Variants in PKIA observed in about 807,000 individuals in gnomAD.
PKIA encodes the protein PKI-alpha.
PKIA carries 4 observed loss-of-function variants against 7.6 expected under a neutral mutation model. That is an observed-to-expected ratio of 0.52 (90% confidence interval 0.26 to 1.20). PKIA has a LOEUF of 1.20. Among genes scored for constraint, PKIA ranks in the 50% most tolerant of loss-of-function variants. The pLI is 0.13. For missense variants in PKIA, 73 were observed against 86.2 expected (o/e 0.85, Z 0.61); for synonymous variants, 21 against 30.7 (o/e 0.68, Z 1.04).
chr8:78,573,749 C>A (rs2118565215), intron 2 of PKIA, among the ~76,000 whole-genome samples: 1 of 152,044 alleles, frequency 6.6e-6, no homozygotes, highest in South Asian at 2.1e-4. Context: ...AAAGTTTGTC[C>A]TTGGATTGCT....
intron 2 of PKIA, among the ~76,000 whole-genome samples, chr8:78,587,635 G>C (rs765424342): frequency 3.9e-5 from 6 of 152,054 alleles, no homozygotes; most frequent in Non-Finnish European, 8.8e-5. Flanking sequence ...GCTTTAATTT[G>C]CTACTTTCGT....
intron 2 of PKIA, among the ~76,000 whole-genome samples, chr8:78,576,228 C>A (rs1807671722): frequency 6.6e-6 from 1 of 151,998 alleles, no homozygotes; most frequent in Admixed American, 6.6e-5. Flanking sequence ...TCCCTAATTA[C>A]CAATAGGTTG....
At chr8:78,572,005 T>C (rs531456633) in intron 1 of PKIA, among the ~76,000 whole-genome samples, 1 of 152,006 alleles carries the variant, frequency 6.6e-6, no homozygotes, top group Non-Finnish European at 1.5e-5. Context: ...AAATGATGAA[T>C]GATAGTATAG....
At chr8:78,583,872 T>C (rs528262029) in intron 2 of PKIA, among the ~76,000 whole-genome samples, 11 of 152,186 alleles carry the variant, frequency 7.2e-5, no homozygotes, top group African/African-American at 2.4e-4. Context: ...AAATCTGATT[T>C]TTCAAAAAAG....
chr8:78,518,374 C>G (rs1241826023), intron 1 of PKIA, among the ~76,000 whole-genome samples: 1 of 152,122 alleles, frequency 6.6e-6, no homozygotes, highest in African/African-American at 2.4e-5. Flanking sequence ...TATGAGGTAA[C>G]AAAGAACAAG....
At chr8:78,546,057 C>T (rs951200661) in intron 1 of PKIA, among the ~76,000 whole-genome samples, 1 of 152,128 alleles carries the variant, frequency 6.6e-6, no homozygotes, top group African/African-American at 2.4e-5. Flanking sequence ...GCTCACTAGC[C>T]ACAGAGAGGC....
intron 2 of PKIA, among the ~76,000 whole-genome samples, chr8:78,586,149 T>G (rs1192514147): frequency 6.6e-6 from 1 of 152,162 alleles, no homozygotes; most frequent in East Asian, 1.9e-4. Flanking sequence ...AAGTCACTTC[T>G]ATTTCATTAT....
chr8:78,558,043 G>A (rs1446856876), intron 1 of PKIA, among the ~76,000 whole-genome samples: 2 of 152,208 alleles, frequency 1.3e-5, no homozygotes, highest in East Asian at 3.8e-4. Context: ...GCTGTTTACA[G>A]TTGTTTTAGT....
chr8:78,554,627 A>G (rs961715795), intron 1 of PKIA, among the ~76,000 whole-genome samples: 1 of 148,750 alleles, frequency 6.7e-6, no homozygotes, highest in African/African-American at 2.5e-5. Context: ...TGAGGATTGC[A>G]GATGATACTA....
intron 2 of PKIA, among the ~76,000 whole-genome samples, chr8:78,579,613 A>C (rs1195177486): frequency 5.9e-5 from 9 of 152,062 alleles, no homozygotes; most frequent in Admixed American, 5.2e-4. Flanking sequence ...CGAAAGATAG[A>C]TACATTTTAC....
At chr8:78,559,676 C>G (rs1029173516) in intron 1 of PKIA, among the ~76,000 whole-genome samples, 6 of 152,180 alleles carry the variant, frequency 3.9e-5, no homozygotes, top group African/African-American at 1.4e-4. Context: ...CTCATTGATA[C>G]AGCCCCCTCA....
chr8:78,524,236 A>G (rs1398202911), intron 1 of PKIA, among the ~76,000 whole-genome samples: 2 of 141,918 alleles, frequency 1.4e-5, no homozygotes, highest in Non-Finnish European at 3.0e-5. Context: ...TTATATATAA[A>G]TATATATGTT....
intron 1 of PKIA, among the ~76,000 whole-genome samples, chr8:78,557,230 G>T (rs1370610737): frequency 6.6e-6 from 1 of 152,156 alleles, no homozygotes. Context: ...GAGTAGAAAT[G>T]ATAATAACTT....
chr8:78,517,431 A>G (rs967015247), intron 1 of PKIA, among the ~76,000 whole-genome samples: 1 of 152,212 alleles, frequency 6.6e-6, no homozygotes, highest in Non-Finnish European at 1.5e-5. Context: ...ATGCCAGTCC[A>G]TCCAGTTTTT....
intron 2 of PKIA, among the ~76,000 whole-genome samples, chr8:78,591,857 A>AT (rs1410107794): frequency 6.6e-6 from 1 of 152,110 alleles, no homozygotes; most frequent in East Asian, 1.9e-4. Context: ...AGTTTTCCAG[A>AT]TTTTGTCCTG....
chr8:78,519,478 T>A (rs1398555523), intron 1 of PKIA, among the ~76,000 whole-genome samples: 1 of 152,064 alleles, frequency 6.6e-6, no homozygotes, highest in African/African-American at 2.4e-5. Flanking sequence ...TCAGAAATGT[T>A]GAAATGGAAA....
At chr8:78,591,566 T>C (rs921518239) in intron 2 of PKIA, among the ~76,000 whole-genome samples, 4 of 152,190 alleles carry the variant, frequency 2.6e-5, no homozygotes, top group African/African-American at 7.2e-5. Flanking sequence ...TAGATTTTGA[T>C]TGAATTTTTA....
chr8:78,547,107 T>C (rs1032007754), intron 1 of PKIA, among the ~76,000 whole-genome samples: 1 of 151,846 alleles, frequency 6.6e-6, no homozygotes, highest in Admixed American at 6.6e-5. Context: ...TTTTGTTTTT[T>C]TTTGTTTGTT....
Position 78,524,090 on chromosome 8 carries a change from A to AT in PKIA, c.-157+7625dup, listed in dbSNP as rs1466491658. Among the ~76,000 whole-genome samples, 2 of 95,498 alleles carry AT rather than the reference A, an allele frequency of 2.1e-5. 1 individual carries two copies. The highest frequency in any genetic ancestry group is 9.0e-5 in the African/African-American group (2 of 22,148). The allele number at this position is 95,498 out of a possible 152,430, so 62.7% of individuals were successfully genotyped here. On this transcript the variant is annotated intron_variant, in intron 1 of 3. Transcript: ENST00000396418. ...TATTTATATATAAATATAAATAAAC[A>AT]TTTATATTTATATATAAATATATGT...
Sources: gnomAD v4.1 joint callset for allele counts (sites outside exome capture counted in the v4.1 genomes callset) on GRCh38, gnomAD v4.1.1 for gene constraint, MANE v1.5 for transcripts, NCBI Gene and HGNC (gene_info 2026-07-23, HGNC 2026-07-21) for gene names.